Variants in VWA3B observed in about 807,000 individuals in gnomAD.
VWA3B encodes von Willebrand factor A domain-containing protein 3B.
A neutral mutation model predicts 158.3 loss-of-function variants in VWA3B; 138 were observed. The observed-to-expected ratio is 0.87, with a 90% confidence interval of 0.76 to 1.00. VWA3B has a LOEUF of 1.00. VWA3B is among the 50% of genes least tolerant of loss of function. The pLI, the probability that VWA3B is intolerant of heterozygous loss-of-function variation, is 0.00. For missense variants in VWA3B, 1,555 were observed against 1,565.1 expected (o/e 0.99, Z 0.11); for synonymous variants, 596 against 587.3 (o/e 1.01, Z -0.21).
At chr2:98,226,436 G>A (rs1423542146) in intron 14 of VWA3B, among the ~76,000 whole-genome samples, 1 of 152,144 alleles carries the variant, frequency 6.6e-6, no homozygotes. Context: ...ATGGAGTGTG[G>A]ACTTAAATCT....
At chr2:98,155,767 T>C (rs1678013259) in intron 7 of VWA3B, among the ~76,000 whole-genome samples, 2 of 152,134 alleles carry the variant, frequency 1.3e-5, no homozygotes, top group Non-Finnish European at 2.9e-5. Context: ...TGGAAGATGG[T>C]GTCGGGGGTT....
rs556630784 is a variant in VWA3B at position 98,124,752 on chromosome 2, C to G, written c.702+3294C>G. On this transcript the variant is annotated intron_variant, in intron 5 of 27. Transcript: ENST00000477737. Reference sequence around the variant, plus strand: ...AGCCTAGGGGATGAGAGCACAGGCTCTGGCCAGTGGAGCAGAGGGCAGTCA... The same window carrying G: ...AGCCTAGGGGATGAGAGCACAGGCTGTGGCCAGTGGAGCAGAGGGCAGTCA... 3.3e-5 allele frequency among the ~76,000 whole-genome samples: 5 copies of G among 152,294 alleles called. No homozygotes were observed. In the South Asian group the frequency reaches 8.3e-4, roughly 25 times the overall value.
At chr2:98,283,876 A>G (rs1305840567) in intron 22 of VWA3B, among the ~76,000 whole-genome samples, 4 of 152,182 alleles carry the variant, frequency 2.6e-5, no homozygotes, top group South Asian at 2.1e-4. Flanking sequence ...GCAGCACCCA[A>G]TCCTGTTTCT....
intron 7 of VWA3B, among the ~76,000 whole-genome samples, chr2:98,154,995 A>G (rs1272166569): frequency 6.6e-6 from 1 of 152,218 alleles, no homozygotes; most frequent in Non-Finnish European, 1.5e-5. Flanking sequence ...GGAAGGTACC[A>G]GGGAGAGTGG....
intron 9 of VWA3B, among the ~76,000 whole-genome samples, chr2:98,181,414 T>A (rs1292514412): frequency 6.6e-6 from 1 of 152,158 alleles, no homozygotes; most frequent in Non-Finnish European, 1.5e-5. Flanking sequence ...AGGCTGGGAA[T>A]GAGTTCTAGA....
At chr2:98,321,498 T>G in the VWA3B span, among the ~76,000 whole-genome samples, 3 of 152,232 alleles carry the variant, frequency 2.0e-5, no homozygotes, top group Non-Finnish European at 4.4e-5. Flanking sequence ...AAAGTCCCCC[T>G]TGTGGCAGAG....
At chr2:98,313,377 C>G (rs1338992937), downstream of VWA3B, 1 of 151,986 alleles carries the variant, frequency 6.6e-6, no homozygotes, top group Non-Finnish European at 1.5e-5. Flanking sequence ...TTGTTTGAAA[C>G]AAGGCAAGGA....
intron 8 of VWA3B, among the ~76,000 whole-genome samples, chr2:98,180,313 TC>T (rs1460151791): frequency 1.3e-5 from 2 of 152,202 alleles, no homozygotes; most frequent in Admixed American, 1.3e-4. Context: ...TGCCTCAGCC[TC>T]CCAAGTAGTT....
chr2:98,255,463 G>T (rs1300372585), intron 20 of VWA3B, among the ~76,000 whole-genome samples: 1 of 151,952 alleles, frequency 6.6e-6, no homozygotes, highest in Non-Finnish European at 1.5e-5. Context: ...TGGGAACTCT[G>T]AAGAAGCAAC....
chr2:98,295,382 A>C (rs994618160), intron 23 of VWA3B, among the ~76,000 whole-genome samples: 9 of 152,254 alleles, frequency 5.9e-5, no homozygotes, highest in African/African-American at 2.2e-4. Context: ...TTCACCAAAC[A>C]AACTGACTTC....
chr2:98,300,808 G>A (rs1690129475), intron 25 of VWA3B, among the ~76,000 whole-genome samples: 1 of 152,194 alleles, frequency 6.6e-6, no homozygotes, highest in African/African-American at 2.4e-5. Flanking sequence ...GACTCCGCAA[G>A]CCAGTGCACC....
intron 2 of VWA3B, among the ~76,000 whole-genome samples, chr2:98,115,214 C>T (rs143344709): frequency 1.4e-4 from 21 of 151,802 alleles, no homozygotes; most frequent in African/African-American, 4.3e-4. Context: ...ATTACAATGC[C>T]GTTCTCACTC....
chr2:98,159,185 CTG>C lies in VWA3B; in HGVS notation c.989-3663_989-3662del, dbSNP rs376296206. The stretch of plus-strand genomic sequence containing the variant: ...GGTGCTAATGAAAAACAGCAGCAGA[CTG>C]TGACATTGCTCCCAGGTATGTTAGC... On this transcript the variant is annotated intron_variant, in intron 7 of 27. Transcript: ENST00000477737. Among the ~76,000 whole-genome samples, 49 of 152,334 alleles carry C rather than the reference CTG, an allele frequency of 3.2e-4. No individual in the cohort carries two copies. The East Asian group carries it at 5.4e-3, about 17-fold the overall frequency.
At chr2:98,235,619 T>C (rs1166567058) in intron 17 of VWA3B, among the ~76,000 whole-genome samples, 1 of 152,110 alleles carries the variant, frequency 6.6e-6, no homozygotes, top group African/African-American at 2.4e-5. Flanking sequence ...AGAGACAGGG[T>C]TCCACCATAT....
chr2:98,297,014 T>C (rs112606498), intron 23 of VWA3B, among the ~76,000 whole-genome samples: 5,881 of 151,834 alleles, frequency 0.039, 165 homozygotes, highest in Middle Eastern at 0.075. Context: ...ATTATTTTTA[T>C]ACCAACCTTA....
intron 7 of VWA3B, among the ~76,000 whole-genome samples, chr2:98,153,976 C>T (rs954109750): frequency 9.9e-5 from 15 of 152,118 alleles, no homozygotes; most frequent in Non-Finnish European, 2.9e-5. Flanking sequence ...ATTCTCCTGC[C>T]TCAGCCTCCG....
chr2:98,184,328 C>G (rs752520588), intron 9 of VWA3B, among the ~76,000 whole-genome samples: 1 of 152,220 alleles, frequency 6.6e-6, no homozygotes, highest in Non-Finnish European at 1.5e-5. Flanking sequence ...CTCTGCCTGC[C>G]TTGGGAGCAT....
At chr2:98,307,166 C>A (rs1407536106) in intron 26 of VWA3B, among the ~76,000 whole-genome samples, 2 of 152,190 alleles carry the variant, frequency 1.3e-5, no homozygotes, top group Non-Finnish European at 1.5e-5. Flanking sequence ...AAAGAAATAG[C>A]ACTTGAACAT....
At chr2:98,248,753 C>G (rs574622653) in intron 19 of VWA3B, among the ~76,000 whole-genome samples, 1 of 152,162 alleles carries the variant, frequency 6.6e-6, no homozygotes, top group Non-Finnish European at 1.5e-5. Flanking sequence ...GTTTACATTT[C>G]TGCTCAGCTT....
Sources: gnomAD v4.1 joint callset for allele counts (sites outside exome capture counted in the v4.1 genomes callset) on GRCh38, gnomAD v4.1.1 for gene constraint, MANE v1.5 for transcripts, NCBI Gene and HGNC (gene_info 2026-07-23, HGNC 2026-07-21) for gene names.